Variants in KLHL13 observed in about 807,000 individuals in gnomAD.
KLHL13 encodes the protein kelch-like protein 13.
In KLHL13, 10 loss-of-function variants were observed where a neutral mutation model predicts 37.1. The observed-to-expected ratio is 0.27, with a 90% CI of 0.17 to 0.46. The LOEUF (loss-of-function observed/expected upper bound fraction) is 0.46, where lower values mean the gene tolerates loss of function less well. KLHL13 is among the 20% of genes least tolerant of loss of function. The pLI is 1.00. For synonymous variants in KLHL13, 163 were observed against 181.2 expected, an observed-to-expected ratio of 0.90 and a Z score of 0.81; for missense variants, 360 against 509.3, an observed-to-expected ratio of 0.71 and a Z score of 2.82.
At chrX:117,947,600 C>A (rs1243998780) in intron 1 of KLHL13, 1 of 112,058 alleles carries the variant, frequency 8.9e-6, no homozygotes, top group Non-Finnish European at 1.9e-5. Context: ...GAAAATGCAG[C>A]CCTTTCTTGC....
chrX:117,983,395 C>T, intron 1 of KLHL13: 1 of 523,414 alleles, frequency 1.9e-6, no homozygotes, highest in African/African-American at 2.4e-5. Flanking sequence ...TAACTGTCTT[C>T]TAGTATTCTC....
intron 2 of KLHL13, among the ~76,000 whole-genome samples, chrX:117,939,392 A>G (rs747847328): frequency 1.8e-5 from 2 of 112,321 alleles, no homozygotes; most frequent in South Asian, 7.4e-4. Flanking sequence ...CAGTGCTGCA[A>G]TAAACATACC....
At chrX:118,002,658 T>C (rs2053938186) in intron 1 of KLHL13, among the ~76,000 whole-genome samples, 1 of 109,566 alleles carries the variant, frequency 9.1e-6, no homozygotes, top group Non-Finnish European at 1.9e-5. Context: ...TGCTGTGGGA[T>C]GGAATATCAT....
chrX:118,061,773 C>T (rs969811643), intron 1 of KLHL13, among the ~76,000 whole-genome samples: 57 of 110,932 alleles, frequency 5.1e-4, no homozygotes, highest in African/African-American at 1.8e-3. Context: ...GACATATGAA[C>T]CATAGGGATC....
At chrX:117,899,167 A>G in exon 7 of KLHL13, 1 of 1,211,630 alleles carries the variant, frequency 8.3e-7, no homozygotes, top group Non-Finnish European at 1.1e-6. Context: ...CATGGCAGCA[A>G]TTGGGGTCCA....
intron 1 of KLHL13, among the ~76,000 whole-genome samples, chrX:118,077,802 T>C (rs1256517256): frequency 9.0e-6 from 1 of 111,230 alleles, no homozygotes; most frequent in Non-Finnish European, 1.9e-5. Context: ...TACTTCACAA[T>C]TGTATTCATA....
At chrX:118,117,291 CGTCT>C (rs1308011184), upstream of KLHL13, 3 of 112,304 alleles carry the variant, frequency 2.7e-5, no homozygotes, top group Non-Finnish European at 5.6e-5. Flanking sequence ...GTGGGGCCCA[CGTCT>C]CAAAATAAGC....
chrX:117,911,315 T>C (rs1352942915), intron 4 of KLHL13, among the ~76,000 whole-genome samples: 2 of 112,071 alleles, frequency 1.8e-5, no homozygotes, highest in Non-Finnish European at 3.8e-5. Flanking sequence ...CTAAAAACAT[T>C]ACTCCTCCGC....
At chrX:118,092,783 A>G (rs2055152526) in intron 1 of KLHL13, among the ~76,000 whole-genome samples, 1 of 111,520 alleles carries the variant, frequency 9.0e-6, no homozygotes, top group Non-Finnish European at 1.9e-5. Flanking sequence ...ATATACACAC[A>G]TTGTACCAAT....
At chrX:118,073,030 G>A (rs1433534595) in intron 1 of KLHL13, among the ~76,000 whole-genome samples, 1 of 108,834 alleles carries the variant, frequency 9.2e-6, no homozygotes, top group Non-Finnish European at 1.9e-5. Flanking sequence ...GGAGGTCAAG[G>A]CTTCAGCGAA....
At chrX:117,991,435 T>A (rs956945785) in intron 1 of KLHL13, among the ~76,000 whole-genome samples, 1 of 111,337 alleles carries the variant, frequency 9.0e-6, no homozygotes, top group Non-Finnish European at 1.9e-5. Context: ...TAATACTCCA[T>A]CATTTCTAAT....
At position 117,910,592 on chromosome X, in the gene KLHL13, A is replaced by G. The variant is rs143372465; in HGVS notation, c.571-496T>C. Reference sequence around the variant, plus strand: ...AACCCTAGATTTCCCTTTCACGTAAATAGGCATCACTCATTACTATCATTC... The same window carrying G: ...AACCCTAGATTTCCCTTTCACGTAAGTAGGCATCACTCATTACTATCATTC... On this transcript the variant is annotated intron_variant, in intron 4 of 6. Transcript: ENST00000262820. Among the ~76,000 whole-genome samples the G allele has an allele frequency of 1.5e-3, 167 of 111,880 alleles. 2 individuals are homozygous for G. The highest frequency in any genetic ancestry group is 5.3e-3 in the African/African-American group (162 of 30,831).
At chrX:118,033,207 G>T (rs2054383552) in intron 1 of KLHL13, among the ~76,000 whole-genome samples, 1 of 110,978 alleles carries the variant, frequency 9.0e-6, no homozygotes, top group Non-Finnish European at 1.9e-5. Context: ...ATCTAGCAAG[G>T]CAGGCCAACA....
At chrX:118,058,900 G>T (rs1373912683) in intron 1 of KLHL13, among the ~76,000 whole-genome samples, 1 of 111,446 alleles carries the variant, frequency 9.0e-6, no homozygotes, top group Non-Finnish European at 1.9e-5. Flanking sequence ...AGACAGAATA[G>T]ATATCACAAA....
At chrX:118,023,905 T>A (rs1385673458) in intron 1 of KLHL13, among the ~76,000 whole-genome samples, 2 of 112,133 alleles carry the variant, frequency 1.8e-5, no homozygotes, top group Non-Finnish European at 3.8e-5. Context: ...GACCCATAAT[T>A]TGTATATGCA....
At chrX:117,983,177 T>C (rs1332548093) in intron 1 of KLHL13, among the ~76,000 whole-genome samples, 1 of 111,869 alleles carries the variant, frequency 8.9e-6, no homozygotes, top group Non-Finnish European at 1.9e-5. Flanking sequence ...TCCAGTGTTA[T>C]CTTCCCCCAT....
At chrX:118,060,499 G>GA (rs1463613347) in intron 1 of KLHL13, among the ~76,000 whole-genome samples, 2 of 110,915 alleles carry the variant, frequency 1.8e-5, no homozygotes, top group Non-Finnish European at 3.8e-5. Flanking sequence ...GGAAGCAGAT[G>GA]AAAAAAGAAG....
intron 1 of KLHL13, among the ~76,000 whole-genome samples, chrX:117,966,677 A>C (rs1162873518): frequency 2.7e-5 from 3 of 111,352 alleles, no homozygotes; most frequent in Admixed American, 9.5e-5. Context: ...AGGCTACAGT[A>C]ACCAAAACAG....
intron 1 of KLHL13, among the ~76,000 whole-genome samples, chrX:118,094,996 A>G (rs1271694392): frequency 9.0e-6 from 1 of 111,479 alleles, no homozygotes; most frequent in Non-Finnish European, 1.9e-5. Flanking sequence ...CGAGCAAAAT[A>G]ACCAGCTAAC....
Sources: gnomAD v4.1 joint callset for allele counts (sites outside exome capture counted in the v4.1 genomes callset) on GRCh38, gnomAD v4.1.1 for gene constraint, MANE v1.5 for transcripts, NCBI Gene and HGNC (gene_info 2026-07-23, HGNC 2026-07-21) for gene names.